MDGA2: variants seen among roughly 807,000 people sequenced by gnomAD.
MDGA2 encodes MAM domain containing glycosylphosphatidylinositol anchor 2, also known as MAM domain-containing glycosylphosphatidylinositol anchor protein 2.
A neutral mutation model predicts 117.8 loss-of-function variants in MDGA2; 40 were observed. That is an observed-to-expected ratio of 0.34 (90% confidence interval 0.26 to 0.44). The LOEUF is 0.44. Ranked by LOEUF, MDGA2 falls within the 20% of genes least tolerant of loss-of-function variation. MDGA2 has a pLI of 1.00. For synonymous variants in MDGA2, 452 were observed against 439.0 expected, an observed-to-expected ratio of 1.03 and a Z score of -0.37; for missense variants, 1,123 against 1,250.6, an observed-to-expected ratio of 0.90 and a Z score of 1.54.
chr14:47,098,261 G>GAA (rs71112482), intron 5 of MDGA2, among the ~76,000 whole-genome samples: 14,930 of 89,034 alleles, frequency 0.17, 1,148 homozygotes, highest in Non-Finnish European at 0.21. Flanking sequence ...TGCCGTGTTT[G>GAA]AAAAAAAAAA....
intron 14 of MDGA2, among the ~76,000 whole-genome samples, chr14:46,866,384 A>C (rs1240060700): frequency 2.0e-5 from 3 of 152,284 alleles, no homozygotes; most frequent in Non-Finnish European, 4.4e-5. Context: ...CTTATACAAA[A>C]ATCAATTAAA....
intron 1 of MDGA2, among the ~76,000 whole-genome samples, chr14:47,644,212 G>A (rs1399189068): frequency 6.6e-6 from 1 of 152,068 alleles, no homozygotes; most frequent in Non-Finnish European, 1.5e-5. Flanking sequence ...ATGGCAAAGA[G>A]AACTTTGAAA....
At chr14:47,163,102 A>C (rs1211560931) in intron 3 of MDGA2, among the ~76,000 whole-genome samples, 1 of 152,166 alleles carries the variant, frequency 6.6e-6, no homozygotes, top group Non-Finnish European at 1.5e-5. Context: ...TTGGGGCTCT[A>C]ATCTGGTTGT....
intron 16 of MDGA2, among the ~76,000 whole-genome samples, chr14:46,845,251 G>A (rs187937595): frequency 2.6e-5 from 4 of 152,236 alleles, no homozygotes; most frequent in Non-Finnish European, 4.4e-5. Flanking sequence ...TTGTGAAGAA[G>A]GTACTCTGCT....
chr14:47,233,985 T>C (rs1253134011), intron 2 of MDGA2, among the ~76,000 whole-genome samples: 2 of 152,236 alleles, frequency 1.3e-5, no homozygotes, highest in African/African-American at 4.8e-5. Flanking sequence ...TCCTGAACTA[T>C]TGAGGGTAAC....
At chr14:47,581,922 T>C (rs925013080) in intron 1 of MDGA2, among the ~76,000 whole-genome samples, 1 of 151,912 alleles carries the variant, frequency 6.6e-6, no homozygotes, top group Non-Finnish European at 1.5e-5. Flanking sequence ...GCATTCATTA[T>C]TGTAGGTAAA....
chr14:47,052,261 ACT>A (rs1408997898), intron 7 of MDGA2, among the ~76,000 whole-genome samples: 2 of 151,718 alleles, frequency 1.3e-5, no homozygotes, highest in Non-Finnish European at 2.9e-5. Context: ...TATTGGGTAT[ACT>A]CTCTCATTTC....
At chr14:47,003,411 C>A (rs1213801478) in intron 8 of MDGA2, among the ~76,000 whole-genome samples, 4 of 151,868 alleles carry the variant, frequency 2.6e-5, no homozygotes, top group Non-Finnish European at 5.9e-5. Context: ...GGTTTGTACC[C>A]TTTTACATTC....
At chr14:47,498,255 T>C (rs1439319707) in intron 1 of MDGA2, among the ~76,000 whole-genome samples, 1 of 152,198 alleles carries the variant, frequency 6.6e-6, no homozygotes, top group Non-Finnish European at 1.5e-5. Flanking sequence ...CTCATGTACC[T>C]TTCTTTGCTG....
intron 1 of MDGA2, among the ~76,000 whole-genome samples, chr14:47,432,397 A>G (rs552064282): frequency 2.0e-5 from 3 of 152,074 alleles, no homozygotes; most frequent in Non-Finnish European, 4.4e-5. Flanking sequence ...AATTAGATTT[A>G]TAAGTCCTTG....
At chr14:46,911,784 T>C (rs994402507) in intron 10 of MDGA2, among the ~76,000 whole-genome samples, 9 of 152,196 alleles carry the variant, frequency 5.9e-5, no homozygotes, top group African/African-American at 2.2e-4. Flanking sequence ...ACACTTATAA[T>C]ATTAAACATA....
At chr14:47,566,401 T>A (rs1369880501) in intron 1 of MDGA2, among the ~76,000 whole-genome samples, 1 of 152,138 alleles carries the variant, frequency 6.6e-6, no homozygotes, top group Non-Finnish European at 1.5e-5. Flanking sequence ...ACAGGCAAGA[T>A]CACCCTGGTC....
chr14:46,881,745 T>C (rs1882468418), intron 11 of MDGA2, among the ~76,000 whole-genome samples: 1 of 152,088 alleles, frequency 6.6e-6, no homozygotes, highest in South Asian at 2.1e-4. Flanking sequence ...TTTGAAAAGA[T>C]AAAATGCAGA....
chr14:47,629,239 G>C (rs140415291), intron 1 of MDGA2, among the ~76,000 whole-genome samples: 11 of 152,230 alleles, frequency 7.2e-5, no homozygotes, highest in African/African-American at 2.6e-4. Flanking sequence ...TATTAAATAA[G>C]TTACTAGAAG....
At chr14:47,581,617 C>A (rs1896229599) in intron 1 of MDGA2, among the ~76,000 whole-genome samples, 1 of 151,884 alleles carries the variant, frequency 6.6e-6, no homozygotes, top group South Asian at 2.1e-4. Context: ...TGTTGATAAC[C>A]AGAACCTGAG....
intron 8 of MDGA2, among the ~76,000 whole-genome samples, chr14:46,970,858 C>A (rs1886234952): frequency 1.3e-5 from 2 of 151,728 alleles, no homozygotes; most frequent in Non-Finnish European, 3.0e-5. Flanking sequence ...TTAAAAATCT[C>A]ATTAAAAGTG....
intron 1 of MDGA2, among the ~76,000 whole-genome samples, chr14:47,628,414 CA>C (rs1418756463): frequency 6.6e-6 from 1 of 152,204 alleles, no homozygotes; most frequent in Non-Finnish European, 1.5e-5. Context: ...CAGTGACTGG[CA>C]CCATTTGGTG....
intron 6 of MDGA2, among the ~76,000 whole-genome samples, chr14:47,064,442 T>C (rs1449324403): frequency 6.6e-6 from 1 of 152,034 alleles, no homozygotes; most frequent in Non-Finnish European, 1.5e-5. Context: ...AAAAAAGAAA[T>C]GTTCAGATAA....
At chr14:47,071,664 T>C (rs1186391660) in intron 6 of MDGA2, among the ~76,000 whole-genome samples, 1 of 152,114 alleles carries the variant, frequency 6.6e-6, no homozygotes, top group Non-Finnish European at 1.5e-5. Flanking sequence ...AGCCATTTAA[T>C]TGGCTTTACT....
Sources: allele counts gnomAD v4.1 joint callset (sites outside exome capture counted in the v4.1 genomes callset), GRCh38; gene constraint gnomAD v4.1.1; transcripts MANE v1.5; gene names NCBI Gene and HGNC (gene_info 2026-07-23, HGNC 2026-07-21).